The following EFR3A variants were observed in gnomAD, a reference collection of about 807,000 sequenced individuals.
EFR3A encodes protein EFR3 homolog A.
EFR3A carries 76 observed loss-of-function variants against 104.4 expected under a neutral mutation model. The observed-to-expected ratio is 0.73, with a 90% confidence interval of 0.60 to 0.88. EFR3A has a LOEUF of 0.88. Ranked by LOEUF, EFR3A falls within the 40% of genes least tolerant of loss-of-function variation. The pLI is 0.00. For synonymous variants in EFR3A, 330 were observed against 330.0 expected, an observed-to-expected ratio of 1.00 and a Z score of 0.00; for missense variants, 985 against 1,012.5, an observed-to-expected ratio of 0.97 and a Z score of 0.37.
intron 8 of EFR3A, among the ~76,000 whole-genome samples, chr8:131,960,664 CA>C (rs1229175501): frequency 6.6e-6 from 1 of 152,138 alleles, no homozygotes; most frequent in East Asian, 1.9e-4. Context: ...ACCCTCTCTC[CA>C]TAAAACAAAC....
At position 131,997,702 on chromosome 8, in the gene EFR3A, A is replaced by G. The variant is rs566106716; in HGVS notation, c.2157+1205A>G. On this transcript the variant is annotated intron_variant, in intron 19 of 22. Transcript: ENST00000254624. Reference sequence around the variant, plus strand: ...CTAGTTCTGTCTTTTAATGATTATGAATTTGCCACTATTACCTTTCTAGGG... The same window carrying G: ...CTAGTTCTGTCTTTTAATGATTATGGATTTGCCACTATTACCTTTCTAGGG... Among the ~76,000 whole-genome samples the G allele has an allele frequency of 2.7e-4, 41 of 152,164 alleles. No homozygotes were observed. The South Asian group carries it at 8.5e-3, about 32-fold the overall frequency.
chr8:131,943,918 T>C (rs896149150), intron 2 of EFR3A, among the ~76,000 whole-genome samples: 1 of 151,984 alleles, frequency 6.6e-6, no homozygotes, highest in Non-Finnish European at 1.5e-5. Flanking sequence ...AGTAGCAAGT[T>C]TGAGGAAAAC....
chr8:131,988,109 T>G (rs971833319), intron 18 of EFR3A, among the ~76,000 whole-genome samples: 16 of 152,130 alleles, frequency 1.1e-4, no homozygotes, highest in Non-Finnish European at 1.8e-4. Flanking sequence ...GAGTACAGAC[T>G]TGTTATATAA....
intron 10 of EFR3A, among the ~76,000 whole-genome samples, chr8:131,975,802 A>G (rs1820298614): frequency 6.6e-6 from 1 of 152,178 alleles, no homozygotes; most frequent in Admixed American, 6.5e-5. Context: ...AGACTTTGAT[A>G]TATTTATCAT....
At chr8:131,922,786 C>G (rs28716984) in intron 1 of EFR3A, among the ~76,000 whole-genome samples, 3,439 of 152,146 alleles carry the variant, frequency 0.023, 63 homozygotes, top group Middle Eastern at 0.071. Context: ...CACTCTTTGT[C>G]CTTCTGTTTC....
At chr8:131,949,620 A>AAAG (rs1818600111) in intron 4 of EFR3A, among the ~76,000 whole-genome samples, 2 of 152,130 alleles carry the variant, frequency 1.3e-5, no homozygotes, top group African/African-American at 4.8e-5. Flanking sequence ...CCTGGGCAAC[A>AAAG]TAGCAAGACC....
At chr8:131,912,698 A>T (rs1245643518) in intron 1 of EFR3A, among the ~76,000 whole-genome samples, 1 of 152,072 alleles carries the variant, frequency 6.6e-6, no homozygotes, top group Non-Finnish European at 1.5e-5. Flanking sequence ...GCTCAACATA[A>T]TTTTTTCAAC....
At chr8:131,942,351 A>G (rs1262225119) in intron 2 of EFR3A, among the ~76,000 whole-genome samples, 1 of 152,154 alleles carries the variant, frequency 6.6e-6, no homozygotes, top group Non-Finnish European at 1.5e-5. Flanking sequence ...ATCTTGTGAT[A>G]TGTCCATAAT....
At chr8:131,921,380 A>G (rs1324195250) in intron 1 of EFR3A, among the ~76,000 whole-genome samples, 1 of 152,116 alleles carries the variant, frequency 6.6e-6, no homozygotes, top group Admixed American at 6.5e-5. Flanking sequence ...ACCTACCCCA[A>G]TGGCCCTATC....
At chr8:132,009,780 G>C (rs1430026585) in intron 22 of EFR3A, among the ~76,000 whole-genome samples, 1 of 152,022 alleles carries the variant, frequency 6.6e-6, no homozygotes, top group East Asian at 1.9e-4. Flanking sequence ...TTGTAATCTT[G>C]ATGTAGAGGG....
rs766509203 is a variant in EFR3A at position 132,001,739 on chromosome 8, C to A, written c.2158-20C>A. On this transcript the variant is annotated intron_variant, in intron 19 of 22. Transcript: ENST00000254624. ...ATTGACCCTTTTTAACTCTCGATTT[C>A]ACTTATCACTTTTCTCTAGGTTAGT... 6.2e-7 allele frequency: 1 copy of A among 1,608,806 alleles called. No individual in the cohort carries two copies. The highest frequency in any genetic ancestry group is 1.1e-5 in the South Asian group (1 of 90,806).
intron 8 of EFR3A, among the ~76,000 whole-genome samples, chr8:131,963,878 C>T (rs574359964): frequency 1.1e-3 from 165 of 152,310 alleles, no homozygotes; most frequent in Non-Finnish European, 2.1e-3. Context: ...CCACCATGAT[C>T]AAGTGGGCTT....
chr8:131,977,107 A>G lies in EFR3A; in HGVS notation c.1326+15A>G, dbSNP rs1277391653. Reference sequence around the variant, plus strand: ...CTTTGCTTATGGTAAGGCATTTAAGACAAATAAAGGACACACTTAACCTTA... The same window carrying G: ...CTTTGCTTATGGTAAGGCATTTAAGGCAAATAAAGGACACACTTAACCTTA... On this transcript the variant is annotated intron_variant, in intron 12 of 22. Coordinates refer to ENST00000254624, the MANE Select transcript of EFR3A (RefSeq NM_015137.6). The G allele has an allele frequency of 6.3e-7, 1 of 1,584,050 alleles. No homozygotes were observed. The highest frequency in any genetic ancestry group is 8.6e-7 in the Non-Finnish European group (1 of 1,160,644).
chr8:131,941,757 T>G (rs1254053490), intron 2 of EFR3A, among the ~76,000 whole-genome samples: 3 of 152,124 alleles, frequency 2.0e-5, no homozygotes, highest in Non-Finnish European at 1.5e-5. Flanking sequence ...AAATGAGATT[T>G]GCTGAGCTTT....
intron 19 of EFR3A, 34 bp downstream of exon 19, chr8:131,996,531 C>T: frequency 7.2e-7 from 1 of 1,385,568 alleles, no homozygotes; most frequent in African/African-American, 1.5e-5. Context: ...AGAGTACTGT[C>T]TTGGTAGACA....
At chr8:131,940,755 T>A (rs549093737) in intron 2 of EFR3A, 180 bp downstream of exon 2, 1 of 1,058,584 alleles carries the variant, frequency 9.4e-7, no homozygotes, top group Non-Finnish European at 1.3e-6. Context: ...GCTTGTCTAG[T>A]TTTCAGATCC....
intron 15 of EFR3A, 32 bp from the exon 16 acceptor site, chr8:131,984,897 G>T: frequency 1.3e-6 from 2 of 1,584,362 alleles, no homozygotes; most frequent in Non-Finnish European, 1.7e-6. Context: ...ATAAGAACTT[G>T]ATCTCTCTGA....
chr8:131,973,145 T>G (rs1820159929), intron 10 of EFR3A, among the ~76,000 whole-genome samples: 1 of 150,926 alleles, frequency 6.6e-6, no homozygotes, highest in South Asian at 2.1e-4. Context: ...AGTAGGCACT[T>G]AAGATTTTGA....
At chr8:131,951,266 T>C (rs1250429818) in intron 5 of EFR3A, among the ~76,000 whole-genome samples, 1 of 152,122 alleles carries the variant, frequency 6.6e-6, no homozygotes, top group Admixed American at 6.6e-5. Flanking sequence ...ATGCTGCTGG[T>C]ATGATTTTTG....
Sources: gnomAD v4.1 joint callset for allele counts (sites outside exome capture counted in the v4.1 genomes callset) on GRCh38, gnomAD v4.1.1 for gene constraint, MANE v1.5 for transcripts, NCBI Gene and HGNC (gene_info 2026-07-23, HGNC 2026-07-21) for gene names.